The following LATS1 variants were observed in gnomAD, a reference collection of about 807,000 sequenced individuals.
LATS1 encodes serine/threonine-protein kinase LATS1.
A neutral mutation model predicts 106.6 loss-of-function variants in LATS1; 25 were observed. That is an observed-to-expected ratio of 0.23 (90% CI 0.17 to 0.33). LATS1 has a LOEUF of 0.33. Among genes scored for constraint, LATS1 ranks in the 10% least tolerant of loss-of-function variants. LATS1 has a pLI of 1.00. For synonymous variants in LATS1, 465 were observed against 455.6 expected (o/e 1.02, Z -0.26); for missense variants, 1,040 against 1,382.6 (o/e 0.75, Z 3.93).
rs1780884109 is a variant in LATS1 at position 149,661,539 on chromosome 6, T to C, written c.*190A>G. 6.3e-6 allele frequency: 3 copies of C among 479,150 alleles called. No individual in the cohort carries two copies. Among genetic ancestry groups the C allele is most frequent in the African/African-American group, 2.0e-5 (1 of 50,124 alleles). The allele number at this position is 479,150 out of a possible 1,614,324, so 29.7% of individuals were successfully genotyped here. ...TTCCTTATAACAATTTTTTTCTAAA[T>C]ACTGATTTAAACGGCTGGAATAAAT... On this transcript the variant is annotated 3_prime_UTR_variant, in exon 8 of 8. Transcript: ENST00000543571.
intron 7 of LATS1, among the ~76,000 whole-genome samples, chr6:149,673,786 G>A (rs1781566063): frequency 6.6e-6 from 1 of 150,380 alleles, no homozygotes; most frequent in South Asian, 2.1e-4. Context: ...GAGTTCTCCT[G>A]CCTCAGGGCC....
chr6:149,704,122 G>T (rs915138344), intron 1 of LATS1, among the ~76,000 whole-genome samples: 23 of 152,146 alleles, frequency 1.5e-4, no homozygotes, highest in Admixed American at 1.4e-3. Context: ...TCCTGCCTCA[G>T]CCTCCCGAAT....
chr6:149,668,764 A>G (rs995362485), intron 7 of LATS1, among the ~76,000 whole-genome samples: 1 of 151,812 alleles, frequency 6.6e-6, no homozygotes, highest in Non-Finnish European at 1.5e-5. Flanking sequence ...GAGTTCTTTA[A>G]AAGAACTTGA....
rs578252938 is a variant in LATS1 at position 149,662,783 on chromosome 6, GC to G, written c.2884-546del. Among the ~76,000 whole-genome samples the G allele has an allele frequency of 2.5e-4, 38 of 152,012 alleles. 1 individual carries two copies. The South Asian group carries it at 7.5e-3, about 30-fold the overall frequency. On this transcript the variant is annotated intron_variant, in intron 7 of 7. Transcript: ENST00000543571. ...GTTCAAGACAAACCTGGGCAACAAA[GC>G]GAGACCCCCTCTCTACAAAAAAACT...
intron 7 of LATS1, among the ~76,000 whole-genome samples, chr6:149,672,758 C>T (rs1055273180): frequency 5.3e-5 from 8 of 151,780 alleles, no homozygotes; most frequent in Non-Finnish European, 1.0e-4. Context: ...CCAGCCTGAC[C>T]AACATGGTAA....
intron 3 of LATS1, among the ~76,000 whole-genome samples, chr6:149,686,670 G>A (rs973002773): frequency 6.6e-6 from 1 of 152,130 alleles, no homozygotes; most frequent in African/African-American, 2.4e-5. Flanking sequence ...GTTCTTACAG[G>A]TTGATATTAT....
At chr6:149,680,539 C>A in intron 4 of LATS1, 82 bp from the exon 5 acceptor site, 1 of 997,226 alleles carries the variant, frequency 1.0e-6, no homozygotes, top group Non-Finnish European at 1.5e-6. Flanking sequence ...AAAATTCAGG[C>A]ATATATTTAA....
intron 1 of LATS1, among the ~76,000 whole-genome samples, chr6:149,709,116 C>T (rs1783949407): frequency 6.6e-6 from 1 of 152,112 alleles, no homozygotes; most frequent in Non-Finnish European, 1.5e-5. Context: ...GAATGAACCC[C>T]TCCTCCCAGC....
chr6:149,683,511 A>G lies in LATS1; in HGVS notation c.1578T>C (p.Thr526=), dbSNP rs1054534323. The change falls in exon 4 of 8, where the codon ACT becomes ACC. Residue 526 remains threonine (T), a synonymous_variant. Coordinates refer to ENST00000543571, the MANE Select transcript of LATS1 (RefSeq NM_004690.4). The stretch of plus-strand genomic sequence containing the variant: ...CCTCAGGAAAAGGACTGGGTTGAAC[A>G]GTTTGAATTGGCTGTGGTATCCAAG... The part of the protein sequence containing the change: ...HPSWIPQPIQ[T]VQPSPFPEGT... 3.1e-6 allele frequency: 5 copies of G among 1,614,126 alleles called. No homozygotes were observed. Among genetic ancestry groups the G allele is most frequent in the Non-Finnish European group, 3.4e-6 (4 of 1,180,056 alleles).
intron 1 of LATS1, among the ~76,000 whole-genome samples, chr6:149,708,076 T>TA (rs1174073633): frequency 6.6e-6 from 1 of 152,230 alleles, no homozygotes; most frequent in African/African-American, 2.4e-5. Flanking sequence ...TACAAATTCT[T>TA]ATTTAAATAC....
intron 1 of LATS1, among the ~76,000 whole-genome samples, chr6:149,703,635 G>C (rs909343980): frequency 3.3e-5 from 5 of 152,136 alleles, no homozygotes; most frequent in Non-Finnish European, 7.4e-5. Context: ...AGGCCAAGAA[G>C]GGAGGACTGC....
chr6:149,717,401 G>C (rs1008243714), intron 1 of LATS1, among the ~76,000 whole-genome samples: 1 of 152,146 alleles, frequency 6.6e-6, no homozygotes, highest in Non-Finnish European at 1.5e-5. Context: ...TGAACTAGAC[G>C]TAAGAGACTC....
In LATS1 at chr6:149,660,369, T is replaced by C; in HGVS notation, c.*1360A>G. 4.3e-6 allele frequency: 1 copy of C among 233,164 alleles called. No homozygotes were observed. The highest frequency in any genetic ancestry group is 1.8e-4 in the South Asian group (1 of 5,532). The allele number at this position is 233,164 out of a possible 1,614,324, so 14.4% of individuals were successfully genotyped here. A position where few individuals can be genotyped will look rare whatever the true frequency, so the allele number is the denominator to read the frequency against. On this transcript the variant is annotated 3_prime_UTR_variant, in exon 8 of 8. Coordinates refer to ENST00000543571, the MANE Select transcript of LATS1 (RefSeq NM_004690.4). Reference sequence around the variant, plus strand: ...CAGCTCTGCCTTTAATTTTACTACATATACGGTTTCAATTAGCTTTTATGC... The same window carrying C: ...CAGCTCTGCCTTTAATTTTACTACACATACGGTTTCAATTAGCTTTTATGC...
intron 7 of LATS1, among the ~76,000 whole-genome samples, chr6:149,664,848 C>A (rs1781060351): frequency 6.6e-6 from 1 of 152,210 alleles, no homozygotes; most frequent in African/African-American, 2.4e-5. Context: ...TGCCAGCACA[C>A]CCAGCTCCAT....
At position 149,718,048 on chromosome 6, in the gene LATS1, C is replaced by T. The variant is rs925989207; in HGVS notation, c.-340G>A. The T allele has an allele frequency of 3.1e-6, 1 of 326,122 alleles. No homozygotes were observed. The allele number at this position is 326,122 out of a possible 1,614,324, so 20.2% of individuals were successfully genotyped here. A position where few individuals can be genotyped will look rare whatever the true frequency, so the allele number is the denominator to read the frequency against. ...TCTCCCCTTAACACCAGGCCACCGC[C>T]GCCGCCGCCGCCATTTTGCCTTCCA... On this transcript the variant is annotated 5_prime_UTR_variant, in exon 1 of 8. Coordinates refer to ENST00000543571, the MANE Select transcript of LATS1 (RefSeq NM_004690.4).
Position 149,659,039 on chromosome 6 carries a change from GGAA to G in LATS1, c.*2687_*2689del, listed in dbSNP as rs2114667729. The G allele has an allele frequency of 6.5e-6, 1 of 152,864 alleles. No homozygotes were observed. The highest frequency in any genetic ancestry group is 2.4e-5 in the African/African-American group (1 of 41,528). 9.5% of individuals were successfully genotyped at this position (152,864 alleles called of 1,614,324 possible). ...GTCAGGAAGCACCAGATTCTATACT[GGAA>G]GAAGTAGATGTAGTTTTGGAATAAG... On this transcript the variant is annotated 3_prime_UTR_variant, in exon 8 of 8. Transcript: ENST00000543571.
Position 149,664,756 on chromosome 6 carries a change from T to C in LATS1, c.2884-2518A>G, listed in dbSNP as rs1464362089. Among the ~76,000 whole-genome samples the C allele has an allele frequency of 3.9e-5, 6 of 152,294 alleles. No individual in the cohort carries two copies. In the South Asian group the frequency reaches 1.0e-3, roughly 26 times the overall value. On this transcript the variant is annotated intron_variant, in intron 7 of 7. Coordinates refer to ENST00000543571, the MANE Select transcript of LATS1 (RefSeq NM_004690.4). ...TTTTTTAAAAAATTAATTCTCACTA[T>C]GTTGTCCACGCTGGTCTTGAACTCC...
At chr6:149,717,516 C>A (rs916254991) in intron 1 of LATS1, 1 of 153,252 alleles carries the variant, frequency 6.5e-6, no homozygotes, top group African/African-American at 2.4e-5. Flanking sequence ...CCCGTTCCTT[C>A]CCTCCTGGAC....
rs1343893300 is a variant in LATS1, at chr6:149,658,693, A to G, written c.*3036T>C. On this transcript the variant is annotated 3_prime_UTR_variant, in exon 8 of 8. Transcript: ENST00000543571. ...CACTTTGCAACAGCAGAAGGTAATAACTTTTTAAAAAAGTCAATCTCAAAG... is the reference window on the plus strand; with the variant it reads ...CACTTTGCAACAGCAGAAGGTAATAGCTTTTTAAAAAAGTCAATCTCAAAG... The G allele has an allele frequency of 6.6e-6, 1 of 152,202 alleles. No individual in the cohort carries two copies. Among genetic ancestry groups the G allele is most frequent in the East Asian group, 1.9e-4 (1 of 5,200 alleles). The allele number at this position is 152,202 out of a possible 1,614,324, so 9.4% of individuals were successfully genotyped here. A position where few individuals can be genotyped will look rare whatever the true frequency, so the allele number is the denominator to read the frequency against.
Sources: gnomAD v4.1 joint callset for allele counts (sites outside exome capture counted in the v4.1 genomes callset) on GRCh38, gnomAD v4.1.1 for gene constraint, MANE v1.5 for transcripts, NCBI Gene and HGNC (gene_info 2026-07-23, HGNC 2026-07-21) for gene names.